TUSC3: variants seen among roughly 807,000 people sequenced by gnomAD.
TUSC3 encodes dolichyl-diphosphooligosaccharide--protein glycosyltransferase subunit TUSC3.
TUSC3 carries 45 observed loss-of-function variants against 44.8 expected under a neutral mutation model. The observed-to-expected ratio is 1.00, with a 90% CI of 0.79 to 1.29. The LOEUF is 1.29. TUSC3 is among the 50% of genes most tolerant of loss of function. The pLI is 0.00. For synonymous variants in TUSC3, 212 were observed against 152.9 expected (o/e 1.39, Z -2.85); for missense variants, 519 against 437.9 (o/e 1.19, Z -1.65).
chr8:15,694,588 A>T (rs1490433336), intron 6 of TUSC3, among the ~76,000 whole-genome samples: 1 of 152,040 alleles, frequency 6.6e-6, no homozygotes, highest in African/African-American at 2.4e-5. Context: ...AGAAGTTGTC[A>T]TCCTTTGGAT....
chr8:15,755,039 A>G (rs746073287), intron 9 of TUSC3, among the ~76,000 whole-genome samples: 22 of 152,204 alleles, frequency 1.4e-4, no homozygotes, highest in African/African-American at 1.9e-4. Context: ...TATTTATCCT[A>G]TAGTCTTAAA....
intron 2 of TUSC3, among the ~76,000 whole-genome samples, chr8:15,515,852 G>T (rs550434563): frequency 1.1e-3 from 167 of 151,856 alleles, no homozygotes; most frequent in Admixed American, 2.2e-3. Context: ...TGTATTTTTA[G>T]TAGAAACGGA....
intron 2 of TUSC3, among the ~76,000 whole-genome samples, chr8:15,488,070 A>G (rs913220023): frequency 6.6e-6 from 1 of 152,132 alleles, no homozygotes; most frequent in Non-Finnish European, 1.5e-5. Flanking sequence ...AATGATATGC[A>G]TTTGAGAAGG....
intron 1 of TUSC3, among the ~76,000 whole-genome samples, chr8:15,465,490 A>T (rs1245263768): frequency 6.6e-6 from 1 of 152,200 alleles, no homozygotes; most frequent in African/African-American, 2.4e-5. Context: ...TGATCAACAA[A>T]CATTATTGAT....
chr8:15,478,448 C>G (rs771153631), intron 1 of TUSC3, among the ~76,000 whole-genome samples: 2 of 152,112 alleles, frequency 1.3e-5, no homozygotes, highest in African/African-American at 2.4e-5. Context: ...CGCCAAGAGG[C>G]CCCAATGTGT....
At chr8:15,834,932 G>C in the TUSC3 span, among the ~76,000 whole-genome samples, 2 of 152,150 alleles carry the variant, frequency 1.3e-5, no homozygotes, top group Non-Finnish European at 2.9e-5. Flanking sequence ...GGTTCCCCAG[G>C]ACTGGTTGTG....
At chr8:15,729,722 G>T (rs1384674401) in intron 6 of TUSC3, among the ~76,000 whole-genome samples, 1 of 152,010 alleles carries the variant, frequency 6.6e-6, no homozygotes, top group African/African-American at 2.4e-5. Flanking sequence ...TTGGAGGGTG[G>T]GAGGAAAGTG....
chr8:15,490,731 TTG>T (rs1236208126), intron 2 of TUSC3, among the ~76,000 whole-genome samples: 4 of 152,348 alleles, frequency 2.6e-5, no homozygotes, highest in African/African-American at 9.6e-5. Context: ...AAATAATACT[TTG>T]TTTTATACTA....
chr8:15,776,188 T>C, the TUSC3 span, among the ~76,000 whole-genome samples: 1 of 152,136 alleles, frequency 6.6e-6, no homozygotes, highest in South Asian at 2.1e-4. Context: ...TGAACAAGAT[T>C]CAGCCTAATT....
upstream of TUSC3, among the ~76,000 whole-genome samples, chr8:15,538,095 C>T (rs1043421170): frequency 2.6e-5 from 4 of 152,196 alleles, no homozygotes; most frequent in Non-Finnish European, 4.4e-5. Flanking sequence ...CAATCACAAA[C>T]AGCCAACAGG....
At chr8:15,625,465 G>A (rs1306333781) in intron 2 of TUSC3, among the ~76,000 whole-genome samples, 1 of 152,162 alleles carries the variant, frequency 6.6e-6, no homozygotes, top group Non-Finnish European at 1.5e-5. Context: ...AATCATCTGG[G>A]TCTGGAGATA....
In TUSC3 at chr8:15,450,462, G is replaced by A. The variant is rs576193012; in HGVS notation, n.92-32924G>A. Among the ~76,000 whole-genome samples the A allele has an allele frequency of 3.0e-4, 45 of 152,254 alleles. 1 individual carries two copies. In the South Asian group the frequency reaches 8.5e-3, roughly 29 times the overall value. ...GCACTTGGGGAGACCAAGGCAGGCAGATCACAAGGTCAGGAGTTCAAGCCC... is the reference window on the plus strand; with the variant it reads ...GCACTTGGGGAGACCAAGGCAGGCAAATCACAAGGTCAGGAGTTCAAGCCC... On this transcript the variant is annotated intron_variant and non_coding_transcript_variant, in intron 1 of 5. Transcript: ENST00000503191.
At chr8:15,691,996 G>T (rs1808921138) in intron 6 of TUSC3, among the ~76,000 whole-genome samples, 1 of 152,066 alleles carries the variant, frequency 6.6e-6, no homozygotes, top group Admixed American at 6.5e-5. Flanking sequence ...GGCCAGGCTG[G>T]TCTTGAATTC....
At chr8:15,441,741 G>A (rs1585790666) in intron 1 of TUSC3, among the ~76,000 whole-genome samples, 1 of 151,816 alleles carries the variant, frequency 6.6e-6, no homozygotes, top group African/African-American at 2.4e-5. Flanking sequence ...CAGGGGGTAT[G>A]TATTGAAGCA....
chr8:15,600,705 A>C (rs1368102564), intron 1 of TUSC3, among the ~76,000 whole-genome samples: 1 of 151,692 alleles, frequency 6.6e-6, no homozygotes, highest in Non-Finnish European at 1.5e-5. Context: ...GTAAGTTAAG[A>C]ATTAAAATCA....
At position 15,514,066 on chromosome 8, in the gene TUSC3, A is replaced by C. The variant is rs115643928; in HGVS notation, n.189+30583A>C. ...TCCTAGGAACGTCAAGGTCCCTTCT[A>C]TGCGCCACCACTTCCCAAATATGCA... On this transcript the variant is annotated intron_variant and non_coding_transcript_variant, in intron 2 of 5. Coordinates refer to the TUSC3 transcript ENST00000503191. 3.9e-3 allele frequency among the ~76,000 whole-genome samples: 588 copies of C among 152,246 alleles called. 4 individuals are homozygous for C. Among genetic ancestry groups the C allele is most frequent in the African/African-American group, 0.013 (554 of 41,550 alleles).
chr8:15,638,343 T>C (rs116733784), intron 2 of TUSC3, among the ~76,000 whole-genome samples: 1,600 of 152,146 alleles, frequency 0.011, 29 homozygotes, highest in African/African-American at 0.037. Flanking sequence ...GCATTAGTAG[T>C]TTTGATTATG....
chr8:15,608,447 A>G (rs947316536), intron 1 of TUSC3, among the ~76,000 whole-genome samples: 10 of 152,128 alleles, frequency 6.6e-5, no homozygotes, highest in Admixed American at 5.2e-4. Flanking sequence ...CTTATCTCTA[A>G]TATTACTCAG....
At chr8:15,698,430 T>G (rs978261363) in intron 6 of TUSC3, among the ~76,000 whole-genome samples, 1 of 152,200 alleles carries the variant, frequency 6.6e-6, no homozygotes, top group Non-Finnish European at 1.5e-5. Flanking sequence ...GATTTTCAGT[T>G]TATATACTTA....
Sources: gnomAD v4.1 joint callset for allele counts (sites outside exome capture counted in the v4.1 genomes callset) on GRCh38, gnomAD v4.1.1 for gene constraint, MANE v1.5 for transcripts, NCBI Gene and HGNC (gene_info 2026-07-23, HGNC 2026-07-21) for gene names.